Variants in CDKL1 observed in about 807,000 individuals in gnomAD.
CDKL1 encodes the protein cyclin-dependent kinase-like 1.
In CDKL1, 41 loss-of-function variants were observed where a neutral mutation model predicts 42.0. The ratio of observed to expected loss-of-function variants is 0.98; its 90% CI spans 0.76 to 1.27. The LOEUF is 1.27. CDKL1 is among the 50% of genes most tolerant of loss of function. The pLI is 0.00. For missense variants in CDKL1, 394 were observed against 428.4 expected (o/e 0.92, Z 0.71); for synonymous variants, 153 against 158.6 (o/e 0.96, Z 0.26).
chr14:50,390,916 C>T (rs2035238625), intron 2 of CDKL1, among the ~76,000 whole-genome samples: 1 of 152,160 alleles, frequency 6.6e-6, no homozygotes, highest in Non-Finnish European at 1.5e-5. Flanking sequence ...CTCACTGCAG[C>T]CTTGACTCCC....
chr14:50,337,494 G>A (rs1308277764), intron 7 of CDKL1, among the ~76,000 whole-genome samples: 1 of 151,630 alleles, frequency 6.6e-6, no homozygotes, highest in African/African-American at 2.4e-5. Flanking sequence ...TGGAGCTATA[G>A]GCATGTGTCT....
At chr14:50,362,741 C>T (rs982745878) in intron 2 of CDKL1, 3 of 212,782 alleles carry the variant, frequency 1.4e-5, no homozygotes, top group Non-Finnish European at 2.0e-5. Context: ...ATTGTAAATG[C>T]ACCAATCAGC....
intron 2 of CDKL1, among the ~76,000 whole-genome samples, chr14:50,361,955 G>A (rs1268011005): frequency 2.0e-5 from 3 of 152,262 alleles, no homozygotes; most frequent in Non-Finnish European, 4.4e-5. Context: ...AGGTGTGGAG[G>A]GAGAGGCGCA....
At chr14:50,381,076 T>A (rs185052437) in intron 2 of CDKL1, among the ~76,000 whole-genome samples, 1 of 152,310 alleles carries the variant, frequency 6.6e-6, no homozygotes, top group East Asian at 1.9e-4. Context: ...GTACAGCCCT[T>A]GGGCACTGCT....
upstream of CDKL1, chr14:50,396,985 C>T (rs544791589): frequency 1.8e-5 from 17 of 946,504 alleles, 1 homozygote; most frequent in South Asian, 2.6e-4. Context: ...CGGCCCGGCC[C>T]AGCCCGGCCG....
At chr14:50,395,082 A>T (rs2035360521) in intron 2 of CDKL1, among the ~76,000 whole-genome samples, 1 of 152,248 alleles carries the variant, frequency 6.6e-6, no homozygotes, top group African/African-American at 2.4e-5. Flanking sequence ...ATGAGGTGTA[A>T]TGAGAATCTG....
intron 3 of CDKL1, among the ~76,000 whole-genome samples, chr14:50,355,168 C>T (rs2034019644): frequency 6.6e-6 from 1 of 151,968 alleles, no homozygotes; most frequent in African/African-American, 2.4e-5. Context: ...TATCATAAAA[C>T]TTTATTATAA....
chr14:50,332,327 TGTG>T lies in CDKL1; in HGVS notation c.898_900del (p.His300del), dbSNP rs774258824. 2 of 1,614,192 alleles carry T rather than the reference TGTG, an allele frequency of 1.2e-6. No individual in the cohort carries two copies. The highest frequency in any genetic ancestry group is 4.5e-5 in the East Asian group (2 of 44,890). On this transcript the variant is annotated inframe_deletion, in exon 9 of 10. Coordinates refer to ENST00000395834, the MANE Select transcript of CDKL1 (RefSeq NM_004196.7). ...CTTAGGGTCTTCCTTGTTGGTTTGTTGTGTTCTTTTGCCAAATCCTCTATTTCT... is the reference window on the plus strand; with the variant it reads ...CTTAGGGTCTTCCTTGTTGGTTTGTTTTCTTTTGCCAAATCCTCTATTTCT...
intron 2 of CDKL1, chr14:50,380,292 G>A (rs11570792): frequency 0.034 from 17,590 of 512,652 alleles, 342 homozygotes; most frequent in Non-Finnish European, 0.049. Flanking sequence ...GGAATGCAGA[G>A]GTGGTGATGC....
chr14:50,364,185 C>G (rs1566595421), intron 2 of CDKL1, among the ~76,000 whole-genome samples: 1 of 152,194 alleles, frequency 6.6e-6, no homozygotes, highest in Non-Finnish European at 1.5e-5. Flanking sequence ...AACCAAAGTT[C>G]TTAGCTGGGC....
At chr14:50,371,933 G>A (rs11570796) in intron 2 of CDKL1, among the ~76,000 whole-genome samples, 1 of 152,236 alleles carries the variant, frequency 6.6e-6, no homozygotes, top group East Asian at 1.9e-4. Context: ...CCAGCCAGGT[G>A]TGCGCATGCT....
rs551019069 is a variant in CDKL1 at position 50,335,593 on chromosome 14, GACAA to G, written c.739-976_739-973del. 295 of 1,535,030 alleles carry G rather than the reference GACAA, an allele frequency of 1.9e-4. 1 individual carries two copies. Among genetic ancestry groups the G allele is most frequent in the Middle Eastern group, 1.0e-3 (6 of 5,986 alleles). On this transcript the variant is annotated intron_variant, in intron 7 of 9. Coordinates refer to ENST00000395834, the MANE Select transcript of CDKL1 (RefSeq NM_004196.7). ...TGGGAGGAATGCCGAATGTCAGGCA[GACAA>G]ACAGGCCAGTTAAAGAGACATACCA...
intron 2 of CDKL1, among the ~76,000 whole-genome samples, chr14:50,360,775 CGTGTGTGTGTTT>C (rs920620495): frequency 2.5e-5 from 3 of 120,626 alleles, no homozygotes; most frequent in African/African-American, 1.0e-4. Flanking sequence ...GAATGATAGA[CGTGTGTGTGTTT>C]GTGTGTGTGT....
Sources: gnomAD v4.1 joint callset for allele counts (sites outside exome capture counted in the v4.1 genomes callset) on GRCh38, gnomAD v4.1.1 for gene constraint, MANE v1.5 for transcripts, NCBI Gene and HGNC (gene_info 2026-07-23, HGNC 2026-07-21) for gene names.